FAM227A: variants seen among roughly 807,000 people sequenced by gnomAD.
FAM227A encodes protein FAM227A.
In FAM227A, 80 loss-of-function variants were observed where a neutral mutation model predicts 74.7. The observed-to-expected ratio is 1.07, with a 90% CI of 0.89 to 1.29. The LOEUF (loss-of-function observed/expected upper bound fraction) is 1.29, where lower values mean the gene tolerates loss of function less well. Among genes scored for constraint, FAM227A ranks in the 50% most tolerant of loss-of-function variants. The probability of loss-of-function intolerance (pLI) is 0.00; values close to 1 mark genes in which losing one functional copy is unlikely to be tolerated. For synonymous variants in FAM227A, 237 were observed against 241.8 expected (o/e 0.98, Z 0.19); for missense variants, 654 against 683.4 (o/e 0.96, Z 0.48).
chr22:38,603,969 A>G (rs999252835), intron 13 of FAM227A, among the ~76,000 whole-genome samples: 4 of 152,180 alleles, frequency 2.6e-5, no homozygotes, highest in Admixed American at 6.6e-5. Context: ...TCTAAAAGCC[A>G]TAAGAGACTA....
At chr22:38,609,697 T>C (rs2091369613) in intron 11 of FAM227A, among the ~76,000 whole-genome samples, 1 of 152,122 alleles carries the variant, frequency 6.6e-6, no homozygotes, top group Non-Finnish European at 1.5e-5. Flanking sequence ...CTGGTTTTTA[T>C]AGTGTTGAGG....
chr22:38,590,689 C>G (rs1482423033), intron 16 of FAM227A, among the ~76,000 whole-genome samples: 2 of 152,226 alleles, frequency 1.3e-5, no homozygotes, highest in African/African-American at 2.4e-5. Flanking sequence ...TAGGCCAACA[C>G]TTGGTACAGA....
intron 10 of FAM227A, among the ~76,000 whole-genome samples, chr22:38,622,535 G>A (rs1016635846): frequency 5.9e-5 from 9 of 152,110 alleles, no homozygotes; most frequent in Non-Finnish European, 1.2e-4. Flanking sequence ...TTCCTCATCC[G>A]TGAAGTGGAT....
intron 13 of FAM227A, among the ~76,000 whole-genome samples, chr22:38,604,655 T>A (rs59005959): frequency 0.048 from 7,351 of 152,248 alleles, 264 homozygotes; most frequent in East Asian, 0.11. Context: ...CTTTTTATTT[T>A]TTTATTTATT....
At chr22:38,601,872 A>G (rs1220743513) in intron 13 of FAM227A, among the ~76,000 whole-genome samples, 2 of 152,030 alleles carry the variant, frequency 1.3e-5, no homozygotes, top group Non-Finnish European at 2.9e-5. Context: ...GGGCGGTGGG[A>G]AAGTCAAGTC....
chr22:38,597,197 T>A lies in FAM227A; in HGVS notation c.1532+7A>T. On this transcript the variant is annotated splice_region_variant and intron_variant, in intron 15 of 16. Transcript: ENST00000535113. ...AACAACGGCATTCCCCAAAGCCCCT[T>A]CCATACCTGGAGAAGTTGTCTTGCA... 1.9e-6 allele frequency: 3 copies of A among 1,552,110 alleles called. No individual in the cohort carries two copies. Among genetic ancestry groups the A allele is most frequent in the Non-Finnish European group, 2.6e-6 (3 of 1,146,936 alleles).
chr22:38,587,028 C>G (rs1187233831), intron 16 of FAM227A, among the ~76,000 whole-genome samples: 1 of 152,068 alleles, frequency 6.6e-6, no homozygotes, highest in Non-Finnish European at 1.5e-5. Flanking sequence ...GAACATGCTA[C>G]AACTTGAAGG....
rs2090681046 is a variant in FAM227A, at chr22:38,578,591, G to A, written c.*7534C>T. The A allele has an allele frequency of 6.6e-6, 1 of 152,214 alleles. No homozygotes were observed. Among genetic ancestry groups the A allele is most frequent in the South Asian group, 2.1e-4 (1 of 4,826 alleles). The allele number at this position is 152,214 out of a possible 1,614,324, so 9.4% of individuals were successfully genotyped here. ...GGTACCTGCCCTCAAGGAGCCATGA[G>A]TCTAGTAGAGAAGACAATGCAGAAA... On this transcript the variant is annotated 3_prime_UTR_variant, in exon 17 of 17. Coordinates refer to ENST00000535113, the MANE Select transcript of FAM227A (RefSeq NM_001013647.2).
In FAM227A at chr22:38,626,891, A is replaced by AAAAAAAAAAT. The variant is rs1555966996; in HGVS notation, c.727-589_727-588insATTTTTTTTT. On this transcript the variant is annotated intron_variant, in intron 8 of 16. Coordinates refer to ENST00000535113, the MANE Select transcript of FAM227A (RefSeq NM_001013647.2). ...AAAAAAAAAAAAAAAAAAAAAAAAA[A>AAAAAAAAAAT]ATATATATATATATATATATATACA... is the stretch of plus-strand genomic sequence containing the variant. 2.1e-4 allele frequency among the ~76,000 whole-genome samples: 12 copies of AAAAAAAAAAT among 57,690 alleles called. 1 individual carries two copies. The highest frequency in any genetic ancestry group is 7.9e-4 in the African/African-American group (9 of 11,440). 37.8% of individuals were successfully genotyped at this position (57,690 alleles called of 152,430 possible). A position where few individuals can be genotyped will look rare whatever the true frequency, so the allele number is the denominator to read the frequency against.
chr22:38,641,412 C>T (rs1055866895), intron 3 of FAM227A, among the ~76,000 whole-genome samples: 4 of 151,940 alleles, frequency 2.6e-5, no homozygotes, highest in African/African-American at 4.8e-5. Flanking sequence ...ATTAGCCGGG[C>T]GTGGTGGCAC....
At chr22:38,654,775 CAAAAAAAA>C (rs34383650) in intron 1 of FAM227A, among the ~76,000 whole-genome samples, 6 of 84,950 alleles carry the variant, frequency 7.1e-5, no homozygotes, top group Admixed American at 2.8e-4. Context: ...CTAAAAATAC[CAAAAAAAA>C]AAAAAAAAAA....
chr22:38,646,898 C>G (rs1603076856), intron 2 of FAM227A, among the ~76,000 whole-genome samples: 2 of 152,096 alleles, frequency 1.3e-5, no homozygotes, highest in Admixed American at 6.6e-5. Flanking sequence ...CTCCTGTAAT[C>G]CCAGCACTTT....
rs2090693665 is a variant in FAM227A at position 38,580,098 on chromosome 22, T to C, written c.*6027A>G. On this transcript the variant is annotated 3_prime_UTR_variant, in exon 17 of 17. Transcript: ENST00000535113. Reference sequence around the variant, plus strand: ...ACCTTGCTCTGCTAATTTTTACTTTTTTTGTAGAGACAAGGTCTCACTATG... The same window carrying C: ...ACCTTGCTCTGCTAATTTTTACTTTCTTTGTAGAGACAAGGTCTCACTATG... 1 of 151,906 alleles carries C rather than the reference T, an allele frequency of 6.6e-6. No individual in the cohort carries two copies. Among genetic ancestry groups the C allele is most frequent in the Non-Finnish European group, 1.5e-5 (1 of 67,998 alleles). 9.4% of individuals were successfully genotyped at this position (151,906 alleles called of 1,614,324 possible). A position where few individuals can be genotyped will look rare whatever the true frequency, so the allele number is the denominator to read the frequency against.
At chr22:38,613,716 C>T (rs922049095) in intron 11 of FAM227A, among the ~76,000 whole-genome samples, 1 of 151,820 alleles carries the variant, frequency 6.6e-6, no homozygotes, top group Non-Finnish European at 1.5e-5. Context: ...TGATTAAGAG[C>T]TAATGTTTAT....
At chr22:38,613,112 TATATTATATATAATTATATATATAATA>T in intron 11 of FAM227A, among the ~76,000 whole-genome samples, 1 of 94,542 alleles carries the variant, frequency 1.1e-5, no homozygotes, top group Non-Finnish European at 1.9e-5. Flanking sequence ...TAATTATATA[TATATTATATATAATTATATATATAATA>T]TATATATTAT....
chr22:38,647,685 A>G (rs1306459641), intron 2 of FAM227A, among the ~76,000 whole-genome samples: 1 of 151,964 alleles, frequency 6.6e-6, no homozygotes, highest in Non-Finnish European at 1.5e-5. Context: ...CTTAGCCTCA[A>G]TTGATCTAGG....
At chr22:38,643,273 G>A (rs1372754615) in intron 3 of FAM227A, among the ~76,000 whole-genome samples, 4 of 151,142 alleles carry the variant, frequency 2.6e-5, no homozygotes, top group Non-Finnish European at 4.4e-5. Context: ...CCAAGATCAC[G>A]CCACTGCACT....
chr22:38,605,181 TATC>T, intron 13 of FAM227A, 70 bp downstream of exon 13: 1 of 843,136 alleles, frequency 1.2e-6, no homozygotes, highest in East Asian at 2.7e-5. Context: ...AAATGTTAAT[TATC>T]ATTTTCTTAC....
intron 13 of FAM227A, 67 bp from the exon 14 acceptor site, chr22:38,599,988 A>G: frequency 7.4e-7 from 1 of 1,352,974 alleles, no homozygotes; most frequent in East Asian, 2.6e-5. Context: ...TAAGAACCAG[A>G]AAGGCATCAA....
Sources: allele counts gnomAD v4.1 joint callset (sites outside exome capture counted in the v4.1 genomes callset), GRCh38; gene constraint gnomAD v4.1.1; transcripts MANE v1.5; gene names NCBI Gene and HGNC (gene_info 2026-07-23, HGNC 2026-07-21).